NTF4: variants seen among roughly 807,000 people sequenced by gnomAD.
NTF4 encodes the protein neurotrophin-4.
In NTF4, 2 loss-of-function variants were observed where a neutral mutation model predicts 4.4. That is an observed-to-expected ratio of 0.46 (90% confidence interval 0.19 to 1.44). The LOEUF (loss-of-function observed/expected upper bound fraction) is 1.44. NTF4 is among the 40% of genes most tolerant of loss of function. The pLI, the probability that NTF4 is intolerant of heterozygous loss-of-function variation, is 0.26. For synonymous variants in NTF4, 127 were observed against 122.0 expected, an observed-to-expected ratio of 1.04 and a Z score of -0.27; for missense variants, 260 against 293.0, an observed-to-expected ratio of 0.89 and a Z score of 0.82.
Position 49,061,838 on chromosome 19 carries a change from C to G in NTF4, c.160G>C (p.Ala54Pro), listed in dbSNP as rs1244646862. 1.3e-6 allele frequency: 2 copies of G among 1,550,604 alleles called. No individual in the cohort carries two copies. Among genetic ancestry groups the G allele is most frequent in the Admixed American group, 2.0e-5 (1 of 51,012 alleles). ...AGCAGGAAGAGCAGAGGGGGCCCAG[C>G]AGGGGCACCCCTAGACAGGACTACT... is the stretch of plus-strand genomic sequence containing the variant. Residue 54 changes from alanine to proline, a missense_variant, in exon 1 of 1, where the codon GCT becomes CCT. Ala to Pro is a conservative substitution (Grantham distance 27, BLOSUM62 -1). Transcript: ENST00000593537. The surrounding 1 kb of genome is among the most constrained non-coding windows in gnomAD (Gnocchi z 4.9).
upstream of NTF4, chr19:49,062,109 G>C (rs1006184572): frequency 5.3e-6 from 7 of 1,326,036 alleles, no homozygotes; most frequent in African/African-American, 1.0e-4. Context: ...TGCCAGGATT[G>C]TGGGGAAGCC....
chr19:49,061,571 C>A lies in NTF4; in HGVS notation c.427G>T (p.Ala143Ser). 1 of 1,614,180 alleles carries A rather than the reference C, an allele frequency of 6.2e-7. No homozygotes were observed. Among genetic ancestry groups the A allele is most frequent in the Non-Finnish European group, 8.5e-7 (1 of 1,180,048 alleles). ...GGGCCACCTTCCTCAGCGTTATCAG[C>A]CTTGCAGCGGGTTTCAAAGAAGTAC... Residue 143 changes from alanine to serine, a missense_variant, in exon 1 of 1, where the codon GCT becomes TCT. By Grantham distance (99) the Ala-to-Ser change is moderately conservative. Transcript: ENST00000593537. This position sits in a 1 kb window ranked among gnomAD's most constrained non-coding sequence, Gnocchi z 4.9.
upstream of NTF4, chr19:49,063,749 C>G (rs1438676105): frequency 6.6e-6 from 1 of 152,196 alleles, no homozygotes; most frequent in Non-Finnish European, 1.5e-5. Context: ...CTGTCAGCAC[C>G]TCCTCCGCCT....
At chr19:49,064,065 A>C (rs1176102502), upstream of NTF4, 1 of 152,924 alleles carries the variant, frequency 6.5e-6, no homozygotes, top group Non-Finnish European at 1.5e-5. Context: ...AAGGGAGAAT[A>C]GGGGAAGGGA....
upstream of NTF4, chr19:49,063,798 C>A (rs1169207358): frequency 6.6e-6 from 1 of 152,214 alleles, no homozygotes; most frequent in Admixed American, 6.5e-5. Flanking sequence ...CTTCGGGGGG[C>A]CCCTGTGGAG....
chr19:49,063,717 A>C (rs1336684056), upstream of NTF4: 1 of 152,172 alleles, frequency 6.6e-6, no homozygotes, highest in Non-Finnish European at 1.5e-5. Flanking sequence ...GAAGACTGGG[A>C]AACAGTCAGT....
At chr19:49,059,198 T>C (rs2040103088), downstream of NTF4, among the ~76,000 whole-genome samples, 1 of 151,928 alleles carries the variant, frequency 6.6e-6, no homozygotes, top group African/African-American at 2.4e-5. Context: ...CACCTCGGGG[T>C]AACGATTTCC....
upstream of NTF4, among the ~76,000 whole-genome samples, chr19:49,062,891 C>T (rs769162234): frequency 2.6e-5 from 4 of 152,148 alleles, no homozygotes; most frequent in Admixed American, 1.3e-4. Context: ...GATTTGTGCC[C>T]GGTCACACAG....
In NTF4 at chr19:49,061,323, G is replaced by A; in HGVS notation, c.*42C>T. The stretch of plus-strand genomic sequence containing the variant: ...TTAGATCAGCTGGGCCATCCCTGAG[G>A]TCTCTCAGCATCCAGCTCTGTTATT... On this transcript the variant is annotated 3_prime_UTR_variant, in exon 1 of 1. Transcript: ENST00000593537. This position sits in a 1 kb window ranked among gnomAD's most constrained non-coding sequence, Gnocchi z 4.9. The A allele has an allele frequency of 1.2e-6, 2 of 1,609,566 alleles. No individual in the cohort carries two copies. Among genetic ancestry groups the A allele is most frequent in the Non-Finnish European group, 1.7e-6 (2 of 1,179,854 alleles).
Position 49,061,176 on chromosome 19 carries a change from C to T in NTF4, c.*189G>A. On this transcript the variant is annotated 3_prime_UTR_variant, in exon 1 of 1. Transcript: ENST00000593537. This position sits in a 1 kb window ranked among gnomAD's most constrained non-coding sequence, Gnocchi z 4.9. ...TCATCATTATTACCCTCAAGTTGCT[C>T]CAGGAGAACTCCTATTCAACCTCCA... 9.4e-7 allele frequency: 1 copy of T among 1,063,600 alleles called. No individual in the cohort carries two copies. Among genetic ancestry groups the T allele is most frequent in the Middle Eastern group, 3.1e-4 (1 of 3,236 alleles). The allele number at this position is 1,063,600 out of a possible 1,614,324, so 65.9% of individuals were successfully genotyped here.
chr19:49,059,618 A>G (rs573119176), downstream of NTF4, among the ~76,000 whole-genome samples: 1 of 152,248 alleles, frequency 6.6e-6, no homozygotes, highest in Admixed American at 6.5e-5. Flanking sequence ...TGCGGGGAGA[A>G]GTTGCCTATG....
upstream of NTF4, chr19:49,064,546 A>C: frequency 6.8e-6 from 1 of 146,614 alleles, no homozygotes; most frequent in Non-Finnish European, 1.4e-5. Flanking sequence ...GTCCAGGCCC[A>C]GGCCCCCAGC....
At chr19:49,060,065 A>AAAAAAAAAAAAAC (rs1390681588), downstream of NTF4, among the ~76,000 whole-genome samples, 2 of 147,632 alleles carry the variant, frequency 1.4e-5, no homozygotes, top group Non-Finnish European at 3.0e-5. Context: ...AAAAAAAAAA[A>AAAAAAAAAAAAAC]AAAAGCTTTT....
Position 49,061,084 on chromosome 19 carries a change from A to C in NTF4, c.*281T>G, listed in dbSNP as rs1275979133. 7 of 512,416 alleles carry C rather than the reference A, an allele frequency of 1.4e-5. No individual in the cohort carries two copies. The highest frequency in any genetic ancestry group is 2.4e-5 in the Non-Finnish European group (7 of 288,136). 31.7% of individuals were successfully genotyped at this position (512,416 alleles called of 1,614,324 possible). A position where few individuals can be genotyped will look rare whatever the true frequency, so the allele number is the denominator to read the frequency against. On this transcript the variant is annotated 3_prime_UTR_variant, in exon 1 of 1. Transcript: ENST00000593537. The surrounding 1 kb of genome is among the most constrained non-coding windows in gnomAD (Gnocchi z 4.9). ...GATCAAATCCATGAGAGTTGATCTGAGGAGTTATGTATTAGGGATAAGAAA... is the reference window on the plus strand; with the variant it reads ...GATCAAATCCATGAGAGTTGATCTGCGGAGTTATGTATTAGGGATAAGAAA...
Position 49,061,573 on chromosome 19 carries a change from T to C in NTF4, c.425A>G (p.Lys142Arg). 1 of 1,614,154 alleles carries C rather than the reference T, an allele frequency of 6.2e-7. No individual in the cohort carries two copies. The change falls in exon 1 of 1, where the codon AAG becomes AGG. Residue 142 changes from lysine (K) to arginine (R), a missense_variant. Coordinates refer to ENST00000593537, the Ensembl canonical transcript of NTF4. This position sits in a 1 kb window ranked among gnomAD's most constrained non-coding sequence, Gnocchi z 4.9. ...GCCACCTTCCTCAGCGTTATCAGCC[T>C]TGCAGCGGGTTTCAAAGAAGTACTG...
chr19:49,058,296 G>C (rs2040092862), downstream of NTF4: 1 of 1,512,344 alleles, frequency 6.6e-7, no homozygotes, highest in South Asian at 1.2e-5. Flanking sequence ...CGAAAGCCCA[G>C]ATGCGAGAAT....
chr19:49,060,991 C>T (rs937223346), downstream of NTF4: 5 of 267,960 alleles, frequency 1.9e-5, no homozygotes, highest in African/African-American at 8.9e-5. Flanking sequence ...ATGTCCCCTC[C>T]CACTCCCCAG....
At chr19:49,060,042 A>C (rs1377880154), downstream of NTF4, among the ~76,000 whole-genome samples, 11 of 122,224 alleles carry the variant, frequency 9.0e-5, no homozygotes, top group African/African-American at 2.9e-4. Context: ...ATCTCAAAAA[A>C]AAAAAAAAAA....
rs1223140611 is a variant in NTF4, at chr19:49,061,810, T to A, written c.188A>T (p.Glu63Val). 7 of 1,552,808 alleles carry A rather than the reference T, an allele frequency of 4.5e-6. No individual in the cohort carries two copies. The highest frequency in any genetic ancestry group is 1.4e-5 in the African/African-American group (1 of 72,890). ...TGCTGACTCCCGAAAGGCCCCAGCC[T>A]CCAGCAGGAAGAGCAGAGGGGGCCC... Residue 63 changes from glutamate (E) to valine (V), a missense_variant, in exon 1 of 1, where the codon GAG (glutamate) becomes GTG (valine). Glu to Val is a moderately radical substitution (Grantham distance 121). Coordinates refer to ENST00000593537, the Ensembl canonical transcript of NTF4. This position sits in a 1 kb window ranked among gnomAD's most constrained non-coding sequence, Gnocchi z 4.9.
Sources: allele counts gnomAD v4.1 joint callset (sites outside exome capture counted in the v4.1 genomes callset), GRCh38; gene constraint gnomAD v4.1.1; non-coding constraint Gnocchi (gnomAD v3.1); transcripts MANE v1.5; gene names NCBI Gene and HGNC (gene_info 2026-07-23, HGNC 2026-07-21).